The following HIVEP3 variants were observed in gnomAD, a reference collection of about 807,000 sequenced individuals.
HIVEP3 encodes HIVEP zinc finger 3.
Under a neutral mutation model 152.8 loss-of-function variants are expected in HIVEP3, and 49 were observed. The observed-to-expected ratio is 0.32, with a 90% CI of 0.26 to 0.41. The LOEUF is 0.41. Among genes scored for constraint, HIVEP3 ranks in the 10% least tolerant of loss-of-function variants. The pLI, the probability that HIVEP3 is intolerant of heterozygous loss-of-function variation, is 1.00. For synonymous variants in HIVEP3, 1,269 were observed against 1,289.0 expected (o/e 0.98, Z 0.33); for missense variants, 2,790 against 3,103.3 (o/e 0.90, Z 2.40).
At chr1:41,604,536 T>C (rs1644790677) in intron 3 of HIVEP3, among the ~76,000 whole-genome samples, 1 of 152,170 alleles carries the variant, frequency 6.6e-6, no homozygotes, top group African/African-American at 2.4e-5. Context: ...GTGAATGGGA[T>C]TAGGTGTCTC....
intron 1 of HIVEP3, among the ~76,000 whole-genome samples, chr1:41,975,690 A>C (rs1221172400): frequency 6.6e-6 from 1 of 152,266 alleles, no homozygotes; most frequent in South Asian, 2.1e-4. Context: ...AAAAGAAAGC[A>C]TAATGCCAAG....
At chr1:41,857,939 A>G (rs1412443492) in intron 1 of HIVEP3, among the ~76,000 whole-genome samples, 2 of 151,902 alleles carry the variant, frequency 1.3e-5, no homozygotes, top group Non-Finnish European at 2.9e-5. Flanking sequence ...CTTTGGAGTT[A>G]GCCTCTCCAA....
intron 1 of HIVEP3, among the ~76,000 whole-genome samples, chr1:41,979,893 G>C (rs1249992782): frequency 6.6e-6 from 1 of 152,196 alleles, no homozygotes; most frequent in Non-Finnish European, 1.5e-5. Flanking sequence ...ATGGGAGCAG[G>C]AATATGAATA....
chr1:41,810,135 A>G (rs914172330), intron 1 of HIVEP3, among the ~76,000 whole-genome samples: 1 of 152,176 alleles, frequency 6.6e-6, no homozygotes, highest in African/African-American at 2.4e-5. Context: ...CATCTCACAG[A>G]TAGTCCCCCA....
chr1:41,807,826 G>C (rs546292485), intron 1 of HIVEP3, among the ~76,000 whole-genome samples: 1 of 152,278 alleles, frequency 6.6e-6, no homozygotes, highest in African/African-American at 2.4e-5. Flanking sequence ...ATGGGAATAG[G>C]TCAGGAAGTC....
chr1:41,845,839 G>A (rs1643428224), intron 1 of HIVEP3, among the ~76,000 whole-genome samples: 1 of 152,194 alleles, frequency 6.6e-6, no homozygotes, highest in Non-Finnish European at 1.5e-5. Flanking sequence ...GGCCGAGGCA[G>A]GTGGATCACC....
chr1:41,894,990 C>T (rs149674051), intron 1 of HIVEP3, among the ~76,000 whole-genome samples: 9 of 152,004 alleles, frequency 5.9e-5, no homozygotes, highest in African/African-American at 2.2e-4. Flanking sequence ...GACCCTCCCC[C>T]ACAACCACCC....
chr1:41,770,788 C>A (rs967000099), intron 1 of HIVEP3, among the ~76,000 whole-genome samples: 3 of 152,132 alleles, frequency 2.0e-5, no homozygotes, highest in African/African-American at 4.8e-5. Context: ...CCCCCACCCC[C>A]AAATGCAATG....
chr1:41,760,061 T>C (rs879853882), intron 1 of HIVEP3, among the ~76,000 whole-genome samples: 4 of 152,156 alleles, frequency 2.6e-5, no homozygotes, highest in Non-Finnish European at 4.4e-5. Context: ...TGGTTCTAGC[T>C]ACTGGGGAGG....
At chr1:41,682,183 A>G (rs2124092555) in intron 2 of HIVEP3, among the ~76,000 whole-genome samples, 1 of 152,092 alleles carries the variant, frequency 6.6e-6, no homozygotes, top group South Asian at 2.1e-4. Flanking sequence ...GGCCACACTC[A>G]GTGGCTTGCA....
At chr1:41,672,886 C>T (rs1645899281) in intron 2 of HIVEP3, among the ~76,000 whole-genome samples, 1 of 152,154 alleles carries the variant, frequency 6.6e-6, no homozygotes, top group South Asian at 2.1e-4. Flanking sequence ...ATAGATTCTA[C>T]AAAACAACAT....
At chr1:41,593,163 T>A (rs991978801) in intron 3 of HIVEP3, among the ~76,000 whole-genome samples, 3 of 152,212 alleles carry the variant, frequency 2.0e-5, no homozygotes, top group African/African-American at 7.2e-5. Context: ...AAAAATTACT[T>A]GAAAAATTTT....
chr1:41,721,476 G>T (rs934327964), intron 1 of HIVEP3, among the ~76,000 whole-genome samples: 6 of 152,168 alleles, frequency 3.9e-5, no homozygotes, highest in African/African-American at 1.4e-4. Context: ...AAAGTGCTGG[G>T]ATTACAGATG....
intron 1 of HIVEP3, among the ~76,000 whole-genome samples, chr1:41,991,328 C>A (rs796941523): frequency 1.4e-3 from 214 of 150,730 alleles, no homozygotes; most frequent in Non-Finnish European, 2.8e-3. Context: ...CACCACTGAT[C>A]CCACAGAAAT....
At chr1:41,823,866 C>T (rs961580372) in intron 1 of HIVEP3, among the ~76,000 whole-genome samples, 38 of 152,200 alleles carry the variant, frequency 2.5e-4, no homozygotes, top group African/African-American at 9.2e-4. Context: ...AGGACTCTAG[C>T]AGACTCCTGT....
At chr1:41,573,139 T>C (rs1289848087) in intron 5 of HIVEP3, among the ~76,000 whole-genome samples, 1 of 152,124 alleles carries the variant, frequency 6.6e-6, no homozygotes, top group Non-Finnish European at 1.5e-5. Flanking sequence ...CATATGTTTG[T>C]TGTATTAAAA....
At chr1:41,524,385 T>G (rs571807260) in intron 6 of HIVEP3, among the ~76,000 whole-genome samples, 2 of 152,176 alleles carry the variant, frequency 1.3e-5, no homozygotes, top group Admixed American at 6.5e-5. Context: ...GATCAGTGGA[T>G]AAACGGCTCA....
intron 3 of HIVEP3, among the ~76,000 whole-genome samples, chr1:41,587,948 T>C (rs111556954): frequency 1.3e-5 from 2 of 152,252 alleles, no homozygotes; most frequent in Non-Finnish European, 2.9e-5. Context: ...GAGTAAGGAA[T>C]TGTCTAGCAT....
chr1:41,569,085 A>G (rs1168298613), intron 5 of HIVEP3, among the ~76,000 whole-genome samples: 1 of 152,146 alleles, frequency 6.6e-6, no homozygotes, highest in Non-Finnish European at 1.5e-5. Context: ...CCATGATTGA[A>G]AGTTTCCTGA....
Sources: gnomAD v4.1 joint callset for allele counts (sites outside exome capture counted in the v4.1 genomes callset) on GRCh38, gnomAD v4.1.1 for gene constraint, MANE v1.5 for transcripts, NCBI Gene and HGNC (gene_info 2026-07-23, HGNC 2026-07-21) for gene names.